The following ZNF891 variants were observed in gnomAD, a reference collection of about 807,000 sequenced individuals.
ZNF891 encodes zinc finger protein 891, also known as hCG1646157.
For missense variants in ZNF891, 589 were observed against 632.7 expected (o/e 0.93, Z 0.74); for synonymous variants, 199 against 209.0 (o/e 0.95, Z 0.41).
rs1955642907 is a variant in ZNF891, at chr12:133,107,654, T to G, written c.*12630A>C. ...CATTTGTTATTCAGTGTGAAACAAA[T>G]ATAAGATACATCACAGAAAATTACC... On this transcript the variant is annotated 3_prime_UTR_variant, in exon 2 of 2. Coordinates refer to ENST00000537226, the MANE Select transcript of ZNF891 (RefSeq NM_001277291.2). The G allele has an allele frequency of 1.3e-5, 2 of 152,018 alleles. No individual in the cohort carries two copies. The highest frequency in any genetic ancestry group is 4.8e-5 in the African/African-American group (2 of 41,262). The allele number at this position is 152,018 out of a possible 1,614,324, so 9.4% of individuals were successfully genotyped here.
rs1252279641 is a variant in ZNF891 at position 133,111,537 on chromosome 12, A to T, written c.*8747T>A. 1 of 152,196 alleles carries T rather than the reference A, an allele frequency of 6.6e-6. No individual in the cohort carries two copies. Among genetic ancestry groups the T allele is most frequent in the African/African-American group, 2.4e-5 (1 of 41,460 alleles). 9.4% of individuals were successfully genotyped at this position (152,196 alleles called of 1,614,324 possible). A position where few individuals can be genotyped will look rare whatever the true frequency, so the allele number is the denominator to read the frequency against. On this transcript the variant is annotated 3_prime_UTR_variant, in exon 2 of 2. Coordinates refer to ENST00000537226, the MANE Select transcript of ZNF891 (RefSeq NM_001277291.2). The stretch of plus-strand genomic sequence containing the variant: ...ATAAATATTACAGAAATAATTTTTT[A>T]AAATAAATTCTGCATCATGAACACC...
intron 1 of ZNF891, among the ~76,000 whole-genome samples, chr12:133,124,337 A>AT (rs531009176): frequency 1.9e-3 from 288 of 152,298 alleles, no homozygotes; most frequent in Non-Finnish European, 2.5e-3. Context: ...AAAGATATGC[A>AT]TATGTGTTGA....
chr12:133,113,326 A>G lies in ZNF891; in HGVS notation c.*6958T>C, dbSNP rs927530462. 2.0e-5 allele frequency: 3 copies of G among 152,092 alleles called. No homozygotes were observed. Among genetic ancestry groups the G allele is most frequent in the Non-Finnish European group, 4.4e-5 (3 of 68,002 alleles). 9.4% of individuals were successfully genotyped at this position (152,092 alleles called of 1,614,324 possible). A position where few individuals can be genotyped will look rare whatever the true frequency, so the allele number is the denominator to read the frequency against. ...TTCACTAAACTAGACATCTTAAAAA[A>G]AGACAAAAGAAAAAAATTATGACAT... On this transcript the variant is annotated 3_prime_UTR_variant, in exon 2 of 2. Coordinates refer to ENST00000537226, the MANE Select transcript of ZNF891 (RefSeq NM_001277291.2).
rs975365300 is a variant in ZNF891 at position 133,117,512 on chromosome 12, G to A, written c.*2772C>T. On this transcript the variant is annotated 3_prime_UTR_variant, in exon 2 of 2. Coordinates refer to ENST00000537226, the MANE Select transcript of ZNF891 (RefSeq NM_001277291.2). ...CCATTTTTCTACTCCTGAAAGAATG[G>A]TGGGAGTATCCCTCCGCCTCATGGC... 1 of 152,148 alleles carries A rather than the reference G, an allele frequency of 6.6e-6. No homozygotes were observed. The highest frequency in any genetic ancestry group is 2.4e-5 in the African/African-American group (1 of 41,428). The allele number at this position is 152,148 out of a possible 1,614,324, so 9.4% of individuals were successfully genotyped here.
At chr12:133,129,440 G>C (rs1341885600) in intron 1 of ZNF891, among the ~76,000 whole-genome samples, 1 of 149,922 alleles carries the variant, frequency 6.7e-6, no homozygotes, top group Non-Finnish European at 1.5e-5. Flanking sequence ...GGCGGAGGTT[G>C]CTGTGAGCCA....
intron 1 of ZNF891, among the ~76,000 whole-genome samples, chr12:133,129,017 TAAC>T (rs1170289986): frequency 6.6e-6 from 1 of 150,894 alleles, no homozygotes; most frequent in Non-Finnish European, 1.5e-5. Context: ...AAGAAAAAAA[TAAC>T]AATTACAGCA....
rs561230627 is a variant in ZNF891, at chr12:133,122,663, G to A, written c.-106-639C>T. 2.4e-4 allele frequency among the ~76,000 whole-genome samples: 37 copies of A among 152,160 alleles called. 1 individual carries two copies. The highest frequency in any genetic ancestry group is 3.1e-4 in the Non-Finnish European group (21 of 68,036). On this transcript the variant is annotated intron_variant, in intron 1 of 1. Transcript: ENST00000537226. ...ATGCCAGGCTTAATACCTAGGCGATGGGTTGATAGGTGCAGCACATGTTTA... is the reference window on the plus strand; with the variant it reads ...ATGCCAGGCTTAATACCTAGGCGATAGGTTGATAGGTGCAGCACATGTTTA...
At chr12:133,124,159 A>G (rs1050286088) in intron 1 of ZNF891, among the ~76,000 whole-genome samples, 1 of 152,238 alleles carries the variant, frequency 6.6e-6, no homozygotes, top group Non-Finnish European at 1.5e-5. Context: ...AAAACAAAAC[A>G]GTATCTTCAG....
chr12:133,123,857 T>C (rs1396452341), intron 1 of ZNF891, among the ~76,000 whole-genome samples: 1 of 152,162 alleles, frequency 6.6e-6, no homozygotes, highest in Non-Finnish European at 1.5e-5. Flanking sequence ...TCCTCATAGT[T>C]TTCTTTCTTT....
chr12:133,107,960 A>C lies in ZNF891; in HGVS notation c.*12324T>G, dbSNP rs1955649022. The stretch of plus-strand genomic sequence containing the variant: ...TATAAGTAATTTTGTAAGAGGTGAA[A>C]TTTATAAAAGTTTTAGCCCAAAAAC... On this transcript the variant is annotated 3_prime_UTR_variant, in exon 2 of 2. Transcript: ENST00000537226. The C allele has an allele frequency of 6.6e-6, 1 of 152,164 alleles. No homozygotes were observed. Among genetic ancestry groups the C allele is most frequent in the Non-Finnish European group, 1.5e-5 (1 of 68,024 alleles). 9.4% of individuals were successfully genotyped at this position (152,164 alleles called of 1,614,324 possible).
rs1955720128 is a variant in ZNF891 at position 133,117,193 on chromosome 12, T to TA, written c.*3090dup. ...CCACCTTCCTCTTAGCAGATAATCT[T>TA]ACCATGAAACCTATAATCATATATC... On this transcript the variant is annotated 3_prime_UTR_variant, in exon 2 of 2. Coordinates refer to ENST00000537226, the MANE Select transcript of ZNF891 (RefSeq NM_001277291.2). 6.6e-6 allele frequency: 1 copy of TA among 152,224 alleles called. No individual in the cohort carries two copies. Among genetic ancestry groups the TA allele is most frequent in the Admixed American group, 6.5e-5 (1 of 15,282 alleles). The allele number at this position is 152,224 out of a possible 1,614,324, so 9.4% of individuals were successfully genotyped here.
Position 133,120,489 on chromosome 12 carries a change from ATTC to A in ZNF891, c.1427_1429del (p.Arg476del). 1 of 1,592,090 alleles carries A rather than the reference ATTC, an allele frequency of 6.3e-7. No individual in the cohort carries two copies. Among genetic ancestry groups the A allele is most frequent in the Middle Eastern group, 1.7e-4 (1 of 6,008 alleles). On this transcript the variant is annotated inframe_deletion, in exon 2 of 2. Transcript: ENST00000537226. ...CTCTCCAGTGTGAGTTCTTATATGC[ATTC>A]TAAGGGATGAGACCCCACTGAAAAC...
At position 133,108,289 on chromosome 12, in the gene ZNF891, A is replaced by G. The variant is rs545204528; in HGVS notation, c.*11995T>C. On this transcript the variant is annotated 3_prime_UTR_variant, in exon 2 of 2. Transcript: ENST00000537226. ...GCAGCATGCCTTATTACATATGGGT[A>G]TCTAGTATCTGATTTGGTTTTCTCA... 12 of 151,946 alleles carry G rather than the reference A, an allele frequency of 7.9e-5. No individual in the cohort carries two copies. The highest frequency in any genetic ancestry group is 1.6e-4 in the Non-Finnish European group (11 of 67,948). The allele number at this position is 151,946 out of a possible 1,614,324, so 9.4% of individuals were successfully genotyped here.
chr12:133,112,769 G>A lies in ZNF891; in HGVS notation c.*7515C>T, dbSNP rs1365169065. The A allele has an allele frequency of 2.6e-5, 4 of 152,204 alleles. No individual in the cohort carries two copies. The highest frequency in any genetic ancestry group is 2.0e-4 in the Admixed American group (3 of 15,276). 9.4% of individuals were successfully genotyped at this position (152,204 alleles called of 1,614,324 possible). A position where few individuals can be genotyped will look rare whatever the true frequency, so the allele number is the denominator to read the frequency against. ...CTTTCAAAAAGTTTGCCTTTAAAAAGTAGGAGATAGAAATGGTAAGTTAAA... is the reference window on the plus strand; with the variant it reads ...CTTTCAAAAAGTTTGCCTTTAAAAAATAGGAGATAGAAATGGTAAGTTAAA... On this transcript the variant is annotated 3_prime_UTR_variant, in exon 2 of 2. Coordinates refer to ENST00000537226, the MANE Select transcript of ZNF891 (RefSeq NM_001277291.2).
chr12:133,123,959 C>T (rs1234119078), intron 1 of ZNF891, among the ~76,000 whole-genome samples: 1 of 152,122 alleles, frequency 6.6e-6, no homozygotes, highest in African/African-American at 2.4e-5. Context: ...CTAGGTGAAT[C>T]ACCATGGGAT....
rs1203192909 is a variant in ZNF891, at chr12:133,113,231, T to G, written c.*7053A>C. ...CTTTACAACTTTGAAGATATTAAAA[T>G]CATGCTTTAAAAAGTATTTATTAAA... On this transcript the variant is annotated 3_prime_UTR_variant, in exon 2 of 2. Transcript: ENST00000537226. 2 of 151,670 alleles carry G rather than the reference T, an allele frequency of 1.3e-5. No homozygotes were observed. Among genetic ancestry groups the G allele is most frequent in the Non-Finnish European group, 2.9e-5 (2 of 67,898 alleles). The allele number at this position is 151,670 out of a possible 1,614,324, so 9.4% of individuals were successfully genotyped here.
chr12:133,121,732 C>T lies in ZNF891; in HGVS notation c.187G>A (p.Ala63Thr). The change falls in exon 2 of 2, where the codon GCT becomes ACT. Residue 63 changes from alanine to threonine, a missense_variant. Physicochemically the swap from Ala to Thr is moderately conservative, Grantham distance 58. Coordinates refer to ENST00000537226, the MANE Select transcript of ZNF891 (RefSeq NM_001277291.2). ...TQEEWMMLDS[A>T]QRSLYRDVML... The stretch of plus-strand genomic sequence containing the variant: ...ACATCTCTGTACAGACTTCTTTGAG[C>T]AGAATCCAGCATCATCCACTCCTCC... 1 of 1,536,734 alleles carries T rather than the reference C, an allele frequency of 6.5e-7. No homozygotes were observed. The highest frequency in any genetic ancestry group is 8.7e-7 in the Non-Finnish European group (1 of 1,146,980).
chr12:133,107,499 TA>T lies in ZNF891; in HGVS notation c.*12784del, dbSNP rs1955640235. The T allele has an allele frequency of 6.6e-6, 1 of 151,948 alleles. No homozygotes were observed. The highest frequency in any genetic ancestry group is 1.5e-5 in the Non-Finnish European group (1 of 67,948). The allele number at this position is 151,948 out of a possible 1,614,324, so 9.4% of individuals were successfully genotyped here. On this transcript the variant is annotated 3_prime_UTR_variant, in exon 2 of 2. Coordinates refer to ENST00000537226, the MANE Select transcript of ZNF891 (RefSeq NM_001277291.2). ...GTAACTACAATATTGACATAAAAAA[TA>T]AACAGTAGTTTTTCTTGTTGAAACA...
chr12:133,113,476 A>G lies in ZNF891; in HGVS notation c.*6808T>C, dbSNP rs1289825839. ...GTTTAAAATTCATAATGTATCAAAT[A>G]TATCTCCACATGTCAATCCACACAA... is the stretch of plus-strand genomic sequence containing the variant. On this transcript the variant is annotated 3_prime_UTR_variant, in exon 2 of 2. Coordinates refer to ENST00000537226, the MANE Select transcript of ZNF891 (RefSeq NM_001277291.2). 6.6e-6 allele frequency: 1 copy of G among 152,206 alleles called. No homozygotes were observed. The highest frequency in any genetic ancestry group is 6.5e-5 in the Admixed American group (1 of 15,276). 9.4% of individuals were successfully genotyped at this position (152,206 alleles called of 1,614,324 possible). A position where few individuals can be genotyped will look rare whatever the true frequency, so the allele number is the denominator to read the frequency against.
Sources: allele counts gnomAD v4.1 joint callset (sites outside exome capture counted in the v4.1 genomes callset), GRCh38; gene constraint gnomAD v4.1.1; transcripts MANE v1.5; gene names NCBI Gene and HGNC (gene_info 2026-07-23, HGNC 2026-07-21).